CFAP99: variants seen among roughly 807,000 people sequenced by gnomAD.
CFAP99 encodes the protein cilia- and flagella-associated protein 99.
CFAP99 carries 84 observed loss-of-function variants against 82.7 expected under a neutral mutation model. The observed-to-expected ratio is 1.02, with a 90% CI of 0.85 to 1.22. The LOEUF is 1.22. CFAP99 is among the 50% of genes most tolerant of loss of function. CFAP99 has a pLI of 0.00. For synonymous variants in CFAP99, 456 were observed against 429.5 expected (o/e 1.06, Z -0.76); for missense variants, 1,059 against 983.5 (o/e 1.08, Z -1.03).
At chr4:2,461,704 G>C (rs1390590164) in intron 14 of CFAP99, among the ~76,000 whole-genome samples, 2 of 152,146 alleles carry the variant, frequency 1.3e-5, no homozygotes, top group African/African-American at 4.8e-5. Context: ...GGGTCGACCT[G>C]GACAGTCAGA....
chr4:2,422,633 A>C (rs1344960441), intron 1 of CFAP99, among the ~76,000 whole-genome samples: 1 of 152,080 alleles, frequency 6.6e-6, no homozygotes, highest in Non-Finnish European at 1.5e-5. Flanking sequence ...CACCAGGCGC[A>C]AGAAGGGGCC....
intron 1 of CFAP99, among the ~76,000 whole-genome samples, chr4:2,425,832 C>T (rs1403024268): frequency 1.3e-5 from 2 of 152,210 alleles, no homozygotes; most frequent in Admixed American, 1.3e-4. Flanking sequence ...CAAGCCTGTC[C>T]CCTGGAACTG....
exon 6 of CFAP99, chr4:2,445,217 T>C: frequency 6.8e-7 from 1 of 1,463,550 alleles, no homozygotes; most frequent in Non-Finnish European, 9.0e-7. Flanking sequence ...AAGGCCAAGG[T>C]CACAGAGCCC....
intron 11 of CFAP99, among the ~76,000 whole-genome samples, chr4:2,456,052 T>C (rs1734417245): frequency 6.6e-6 from 1 of 152,162 alleles, no homozygotes; most frequent in Admixed American, 6.6e-5. Context: ...GGAGAGATGT[T>C]TGGGGTCTAC....
At chr4:2,445,606 G>A (rs1002218753) in intron 6 of CFAP99, among the ~76,000 whole-genome samples, 1 of 152,146 alleles carries the variant, frequency 6.6e-6, no homozygotes, top group African/African-American at 2.4e-5. Flanking sequence ...TTGGAGCTTG[G>A]AGCCCACTTT....
intron 2 of CFAP99, among the ~76,000 whole-genome samples, chr4:2,431,135 G>A (rs570971903): frequency 2.0e-5 from 3 of 152,042 alleles, no homozygotes; most frequent in South Asian, 2.1e-4. Flanking sequence ...TTGAGAGGCC[G>A]GGGCAGGTGG....
In CFAP99 at chr4:2,441,610, CAGAG is replaced by C. The variant is rs142915914; in HGVS notation, c.352-1517_352-1514del. Among the ~76,000 whole-genome samples, 153 of 152,326 alleles carry C rather than the reference CAGAG, an allele frequency of 1.0e-3. No homozygotes were observed. In the East Asian group the frequency reaches 0.026, roughly 26 times the overall value. ...ACTGGTGCCTGCACACTTACCAACT[CAGAG>C]AGCCTCTGGAGGCAGATCCATGTGA... On this transcript the variant is annotated intron_variant, in intron 4 of 14. Transcript: ENST00000635017.
At chr4:2,461,987 G>A (rs1292908989) in intron 14 of CFAP99, among the ~76,000 whole-genome samples, 1 of 150,726 alleles carries the variant, frequency 6.6e-6, no homozygotes. Flanking sequence ...TTAAAAAAAT[G>A]TTAAGTTTAA....
At chr4:2,425,118 G>A (rs1489805758) in intron 1 of CFAP99, among the ~76,000 whole-genome samples, 6 of 152,030 alleles carry the variant, frequency 3.9e-5, no homozygotes, top group African/African-American at 9.7e-5. Context: ...TGGTTTTCAC[G>A]AGCCCTCTCT....
Position 2,459,383 on chromosome 4 carries a change from C to T in CFAP99, c.1455+125C>T, listed in dbSNP as rs184733960. 2.0e-5 allele frequency: 23 copies of T among 1,157,210 alleles called. 1 individual carries two copies. The highest frequency in any genetic ancestry group is 8.4e-5 in the South Asian group (5 of 59,268). 71.7% of individuals were successfully genotyped at this position (1,157,210 alleles called of 1,614,324 possible). On this transcript the variant is annotated intron_variant, in intron 13 of 14. Transcript: ENST00000635017. ...GTCTTGCACCACCTGAAACCTGGCC[C>T]GCCACCCTCCGTGACTCAACACCCA...
intron 14 of CFAP99, among the ~76,000 whole-genome samples, chr4:2,461,835 G>A (rs1734627459): frequency 6.6e-6 from 1 of 152,134 alleles, no homozygotes; most frequent in African/African-American, 2.4e-5. Flanking sequence ...ATGTCTGCAG[G>A]TACCTGTGGA....
exon 14 of CFAP99, chr4:2,460,098 T>C (rs1734583015): frequency 6.5e-7 from 1 of 1,535,934 alleles, no homozygotes; most frequent in African/African-American, 1.4e-5. Flanking sequence ...CGGCTGGCCC[T>C]GCTCAAAGAG....
At chr4:2,438,464 A>G (rs915612863) in intron 4 of CFAP99, among the ~76,000 whole-genome samples, 3 of 151,756 alleles carry the variant, frequency 2.0e-5, no homozygotes, top group Admixed American at 6.6e-5. Context: ...GGGTTTCACC[A>G]TGTTACCCAG....
intron 2 of CFAP99, among the ~76,000 whole-genome samples, chr4:2,431,053 C>T (rs1196573859): frequency 6.6e-6 from 1 of 151,618 alleles, no homozygotes; most frequent in African/African-American, 2.4e-5. Context: ...GCCTGGGCAA[C>T]AGAGTAAGAT....
intron 2 of CFAP99, among the ~76,000 whole-genome samples, chr4:2,434,126 G>C (rs1052496277): frequency 6.6e-6 from 1 of 152,228 alleles, no homozygotes; most frequent in African/African-American, 2.4e-5. Context: ...GTTGGCAGGG[G>C]CAGGCTTGGG....
Position 2,462,924 on chromosome 4 carries a change from T to G in CFAP99, c.2143T>G (p.Ter715GlyextTer?). The change falls in exon 15 of 15, where the codon TGA (stop) becomes GGA (glycine). Residue 715 changes from the stop codon to glycine (G), a stop_lost. Coordinates refer to ENST00000635017, the Ensembl canonical transcript of CFAP99. The surrounding 1 kb of genome is among the most constrained non-coding windows in gnomAD (Gnocchi z 4.1). ...GCCCGCGCGCCGCCTGGAGGCCGCC[T>G]GAGCCGGGCCGAGCGCGCCCCACCC... is the stretch of plus-strand genomic sequence containing the variant. The G allele has an allele frequency of 7.8e-7, 1 of 1,289,604 alleles. No homozygotes were observed. The highest frequency in any genetic ancestry group is 9.8e-7 in the Non-Finnish European group (1 of 1,024,648). The allele number at this position is 1,289,604 out of a possible 1,614,324, so 79.9% of individuals were successfully genotyped here. A position where few individuals can be genotyped will look rare whatever the true frequency, so the allele number is the denominator to read the frequency against.
chr4:2,444,579 C>T (rs535835611), intron 5 of CFAP99, among the ~76,000 whole-genome samples: 2 of 152,070 alleles, frequency 1.3e-5, no homozygotes, highest in Non-Finnish European at 2.9e-5. Flanking sequence ...GGGAGCCCCA[C>T]ACTCGGGCGG....
chr4:2,454,914 G>A (rs1734392668), intron 11 of CFAP99, among the ~76,000 whole-genome samples: 1 of 150,522 alleles, frequency 6.6e-6, no homozygotes, highest in African/African-American at 2.5e-5. Context: ...GAGCCACCAT[G>A]CCCGGCCACA....
intron 1 of CFAP99, among the ~76,000 whole-genome samples, chr4:2,422,603 C>A (rs1733606746): frequency 6.6e-6 from 1 of 152,130 alleles, no homozygotes. Context: ...CACATGCAGA[C>A]CATCCACTCT....
Sources: allele counts gnomAD v4.1 joint callset (sites outside exome capture counted in the v4.1 genomes callset), GRCh38; gene constraint gnomAD v4.1.1; non-coding constraint Gnocchi (gnomAD v3.1); transcripts MANE v1.5; gene names NCBI Gene and HGNC (gene_info 2026-07-23, HGNC 2026-07-21).